Variants in PYGL observed in about 807,000 individuals in gnomAD.
PYGL encodes glycogen phosphorylase, liver form.
PYGL carries 90 observed loss-of-function variants against 100.1 expected under a neutral mutation model. That is an observed-to-expected ratio of 0.90 (90% CI 0.76 to 1.07). The LOEUF (loss-of-function observed/expected upper bound fraction) is 1.07. Ranked by LOEUF, PYGL falls within the 50% of genes least tolerant of loss-of-function variation. The pLI, the probability that PYGL is intolerant of heterozygous loss-of-function variation, is 0.00. For missense variants in PYGL, 1,016 were observed against 1,057.6 expected, an observed-to-expected ratio of 0.96 and a Z score of 0.55; for synonymous variants, 373 against 393.0, an observed-to-expected ratio of 0.95 and a Z score of 0.60.
intron 19 of PYGL, among the ~76,000 whole-genome samples, chr14:50,906,506 G>T (rs1038529608): frequency 6.6e-6 from 1 of 152,190 alleles, no homozygotes; most frequent in Non-Finnish European, 1.5e-5. Flanking sequence ...TACAATCATT[G>T]TTAAGAGTAA....
intron 9 of PYGL, among the ~76,000 whole-genome samples, chr14:50,916,226 G>A (rs1473996947): frequency 6.6e-6 from 1 of 152,214 alleles, no homozygotes; most frequent in African/African-American, 2.4e-5. Context: ...ATCCTTATGT[G>A]TCTTTCACTT....
rs2050360020 is a variant in PYGL, at chr14:50,908,816, C to G, written c.2312+5G>C. 1.9e-6 allele frequency: 3 copies of G among 1,560,794 alleles called. No homozygotes were observed. Among genetic ancestry groups the G allele is most frequent in the Non-Finnish European group, 2.7e-6 (3 of 1,131,672 alleles). On this transcript the variant is annotated splice_donor_5th_base_variant and intron_variant, in intron 18 of 19. Coordinates refer to ENST00000216392, the MANE Select transcript of PYGL (RefSeq NM_002863.5). ...AAATAGCACCATCTTCTTATGGGAA[C>G]TCACCTGTCATGATAAAATAGCATG...
At chr14:50,913,962 C>T (rs117983054) in intron 12 of PYGL, among the ~76,000 whole-genome samples, 1 of 152,086 alleles carries the variant, frequency 6.6e-6, no homozygotes, top group Non-Finnish European at 1.5e-5. Context: ...CTAGGCTTCT[C>T]AAAGCACTGG....
At position 50,905,432 on chromosome 14, in the gene PYGL, A is replaced by G; in HGVS notation, c.2504T>C (p.Ile835Thr). Residue 835 changes from isoleucine to threonine, a missense_variant, in exon 20 of 20, where the codon ATT becomes ACT. Coordinates refer to ENST00000216392, the MANE Select transcript of PYGL (RefSeq NM_002863.5). ...TTTGTTAGATTCATTGGATAGAGAA[A>G]TCTTTAGATCTGAAGGTTCCACGTT... Reference protein sequence around the residue: ...IWNVEPSDLKISLSNESNKVN... With the variant: ...IWNVEPSDLKTSLSNESNKVN... The G allele has an allele frequency of 6.2e-7, 1 of 1,613,754 alleles. No individual in the cohort carries two copies. The highest frequency in any genetic ancestry group is 1.1e-5 in the South Asian group (1 of 91,070).
intron 3 of PYGL, among the ~76,000 whole-genome samples, chr14:50,933,781 T>C (rs1297211939): frequency 2.6e-5 from 4 of 151,988 alleles, no homozygotes; most frequent in East Asian, 1.9e-4. Context: ...CACACACACA[T>C]ATATGTCTGG....
intron 7 of PYGL, among the ~76,000 whole-genome samples, chr14:50,918,425 G>C (rs1434135408): frequency 6.6e-6 from 1 of 152,166 alleles, no homozygotes; most frequent in Non-Finnish European, 1.5e-5. Context: ...CAAAGATGTG[G>C]AATCAGTCTA....
chr14:50,927,216 C>G (rs2050558089), intron 4 of PYGL, among the ~76,000 whole-genome samples: 1 of 152,014 alleles, frequency 6.6e-6, no homozygotes, highest in African/African-American at 2.4e-5. Flanking sequence ...TGCATTTACT[C>G]TTTTTATTTT....
chr14:50,933,190 G>C (rs982131808), intron 3 of PYGL, among the ~76,000 whole-genome samples: 2 of 152,194 alleles, frequency 1.3e-5, no homozygotes, highest in Non-Finnish European at 2.9e-5. Flanking sequence ...CTGAGGGCTC[G>C]GGCTTCACAT....
At chr14:50,942,825 A>ACAAAG (rs2050712920) in intron 1 of PYGL, among the ~76,000 whole-genome samples, 1 of 48,548 alleles carries the variant, frequency 2.1e-5, no homozygotes, top group African/African-American at 4.3e-5. Context: ...TCTGTCTCAA[A>ACAAAG]CAAAACAAAA....
Position 50,914,815 on chromosome 14 carries a change from T to A in PYGL, c.1404A>T (p.Val468=). Residue 468 remains valine (V), a splice_region_variant and synonymous_variant, in exon 12 of 20, where the codon GTA becomes GTT. Transcript: ENST00000216392. ...GTTCTAGCTCACTGAAGTCCTTGAATCTGGAGATGGAGGAGACACATCACT... is the reference window on the plus strand; with the variant it reads ...GTTCTAGCTCACTGAAGTCCTTGAAACTGGAGATGGAGGAGACACATCACT... ...KIHSDIVKTK[V]FKDFSELEPD... The A allele has an allele frequency of 6.2e-7, 1 of 1,608,326 alleles. No homozygotes were observed. The highest frequency in any genetic ancestry group is 2.2e-5 in the East Asian group (1 of 44,844).
chr14:50,914,766 T>C lies in PYGL; in HGVS notation c.1453A>G (p.Asn485Asp). 1.2e-6 allele frequency: 2 copies of C among 1,614,070 alleles called. No individual in the cohort carries two copies. Among genetic ancestry groups the C allele is most frequent in the Non-Finnish European group, 1.7e-6 (2 of 1,179,954 alleles). ...LEPDKFQNKTNGITPRRWLLL... is the reference protein window; with the variant it reads ...LEPDKFQNKTDGITPRRWLLL... ...AGCCAGCGCCTTGGAGTGATCCCAT[T>C]GGTTTTATTCTGAAACTTGTCAGGT... Residue 485 changes from asparagine to aspartate, a missense_variant, in exon 12 of 20, where the codon AAT becomes GAT. Asn to Asp is a conservative substitution (Grantham distance 23). Transcript: ENST00000216392.
At chr14:50,939,914 C>T (rs1170978222) in intron 1 of PYGL, among the ~76,000 whole-genome samples, 4 of 151,992 alleles carry the variant, frequency 2.6e-5, no homozygotes, top group African/African-American at 9.7e-5. Flanking sequence ...TCATTCTTTC[C>T]CATTTTCCTT....
chr14:50,936,790 CAAA>C (rs71121613), intron 2 of PYGL, among the ~76,000 whole-genome samples: 1 of 132,590 alleles, frequency 7.5e-6, no homozygotes, highest in Non-Finnish European at 1.6e-5. Context: ...GACTCCGTCT[CAAA>C]AAAAAAAAAA....
intron 4 of PYGL, among the ~76,000 whole-genome samples, chr14:50,929,376 C>A (rs1438173322): frequency 6.6e-6 from 1 of 152,144 alleles, no homozygotes; most frequent in Non-Finnish European, 1.5e-5. Context: ...TTTGAATGAG[C>A]AAAACCTATT....
At chr14:50,938,766 T>C (rs931244566) in intron 1 of PYGL, among the ~76,000 whole-genome samples, 4 of 152,170 alleles carry the variant, frequency 2.6e-5, no homozygotes, top group Non-Finnish European at 5.9e-5. Flanking sequence ...GTAGATTCAA[T>C]GTTTTGTGTT....
rs192436712 is a variant in PYGL at position 50,909,665 on chromosome 14, G to A, written c.2177+230C>T. ...CTTTGAGGCCAGCTCTGCAATGGCC[G>A]ATAACAAATAGCAACTCCTCCATGT... On this transcript the variant is annotated intron_variant, in intron 17 of 19. Coordinates refer to ENST00000216392, the MANE Select transcript of PYGL (RefSeq NM_002863.5). Among the ~76,000 whole-genome samples the A allele has an allele frequency of 4.6e-5, 7 of 152,274 alleles. No homozygotes were observed. The East Asian group carries it at 9.6e-4, about 21-fold the overall frequency.
intron 4 of PYGL, among the ~76,000 whole-genome samples, chr14:50,926,962 T>G (rs2050554182): frequency 1.3e-5 from 2 of 152,164 alleles, no homozygotes; most frequent in African/African-American, 4.8e-5. Context: ...CATTTCAGCA[T>G]GCAGGGCTGT....
rs779949982 is a variant in PYGL, at chr14:50,912,322, G to C, written c.1621-19C>G. 1.7e-5 allele frequency: 28 copies of C among 1,612,842 alleles called. No homozygotes were observed. Among genetic ancestry groups the C allele is most frequent in the Non-Finnish European group, 2.2e-5 (26 of 1,179,366 alleles). Reference sequence around the variant, plus strand: ...TATTCTCCTGTTAAGACAGTGCATGGTGCCAGAGCTCTTTTGGCCTAGAAG... The same window carrying C: ...TATTCTCCTGTTAAGACAGTGCATGCTGCCAGAGCTCTTTTGGCCTAGAAG... On this transcript the variant is annotated intron_variant, in intron 13 of 19. Transcript: ENST00000216392.
rs143759519 is a variant in PYGL at position 50,915,919 on chromosome 14, G to A, written c.1145C>T (p.Pro382Leu). 5.5e-3 allele frequency: 8,824 copies of A among 1,614,214 alleles called. 35 individuals are homozygous for A. The highest frequency in any genetic ancestry group is 6.8e-3 in the Non-Finnish European group (7,992 of 1,180,026). Reference sequence around the variant, plus strand: ...CACGGGCCAGCGCTCCAGGGCTTCCGGGAGCACTGTGTGGTTGGTGTAGGC... The same window carrying A: ...CACGGGCCAGCGCTCCAGGGCTTCCAGGAGCACTGTGTGGTTGGTGTAGGC... The part of the protein sequence containing the change: ...TFAYTNHTVL[P>L]EALERWPVDL... The change falls in exon 10 of 20, where the codon CCG becomes CTG. Residue 382 changes from proline to leucine, a missense_variant. By Grantham distance (98) the Pro-to-Leu change is moderately conservative. Transcript: ENST00000216392.
Sources: allele counts gnomAD v4.1 joint callset (sites outside exome capture counted in the v4.1 genomes callset), GRCh38; gene constraint gnomAD v4.1.1; transcripts MANE v1.5; gene names NCBI Gene and HGNC (gene_info 2026-07-23, HGNC 2026-07-21).